RPS6KA5: variants seen among roughly 807,000 people sequenced by gnomAD.
RPS6KA5 encodes ribosomal protein S6 kinase alpha-5.
In RPS6KA5, 27 loss-of-function variants were observed where a neutral mutation model predicts 85.5. The ratio of observed to expected loss-of-function variants is 0.32; its 90% CI spans 0.23 to 0.44. The LOEUF (loss-of-function observed/expected upper bound fraction) is 0.44. Among genes scored for constraint, RPS6KA5 ranks in the 20% least tolerant of loss-of-function variants. The pLI, the probability that RPS6KA5 is intolerant of heterozygous loss-of-function variation, is 1.00. For synonymous variants in RPS6KA5, 334 were observed against 348.2 expected, an observed-to-expected ratio of 0.96 and a Z score of 0.46; for missense variants, 811 against 980.9, an observed-to-expected ratio of 0.83 and a Z score of 2.31.
chr14:90,999,557 G>A (rs2040690705), intron 2 of RPS6KA5, among the ~76,000 whole-genome samples: 1 of 152,184 alleles, frequency 6.6e-6, no homozygotes, highest in Non-Finnish European at 1.5e-5. Flanking sequence ...TTGACCTGAT[G>A]GGAGAAAAAT....
intron 1 of RPS6KA5, among the ~76,000 whole-genome samples, chr14:91,013,623 A>G (rs1274531316): frequency 6.6e-6 from 1 of 152,256 alleles, no homozygotes; most frequent in Non-Finnish European, 1.5e-5. Context: ...GAGCCAGCTC[A>G]CAAAAGAATC....
Position 90,899,431 on chromosome 14 carries a change from T to A in RPS6KA5, c.1380-9A>T, listed in dbSNP as rs932326468. ...GAGTATTGGCTTCCATCCTGCAAGA[T>A]GAGACACTTAGCATCCACATGTCTC... On this transcript the variant is annotated splice_polypyrimidine_tract_variant and intron_variant, in intron 11 of 16. Coordinates refer to ENST00000614987, the MANE Select transcript of RPS6KA5 (RefSeq NM_004755.4). 6.3e-6 allele frequency: 10 copies of A among 1,596,968 alleles called. No individual in the cohort carries two copies. Among genetic ancestry groups the A allele is most frequent in the African/African-American group, 4.0e-5 (3 of 74,506 alleles).
chr14:91,026,916 T>C (rs2042010528), intron 1 of RPS6KA5, among the ~76,000 whole-genome samples: 1 of 152,258 alleles, frequency 6.6e-6, no homozygotes, highest in Admixed American at 6.5e-5. Context: ...GCCACTTGCA[T>C]GTCTTCCTTT....
intron 7 of RPS6KA5, among the ~76,000 whole-genome samples, chr14:90,909,052 G>A (rs2035661759): frequency 1.3e-5 from 2 of 152,328 alleles, no homozygotes; most frequent in Non-Finnish European, 2.9e-5. Flanking sequence ...CTTATATAAA[G>A]CTAAATAAAA....
chr14:90,938,699 C>A (rs2037414010), intron 5 of RPS6KA5, among the ~76,000 whole-genome samples: 1 of 152,222 alleles, frequency 6.6e-6, no homozygotes, highest in Admixed American at 6.5e-5. Flanking sequence ...GAAGCAACAG[C>A]CTGAGCTGTA....
chr14:90,959,020 C>A (rs139867695), intron 3 of RPS6KA5, among the ~76,000 whole-genome samples: 4 of 151,982 alleles, frequency 2.6e-5, no homozygotes, highest in Admixed American at 6.6e-5. Context: ...GAAGTAACAT[C>A]CAGTACAAAG....
rs145146502 is a variant in RPS6KA5, at chr14:90,967,232, T to A, written c.394+11074A>T. ...AAGAAATGTCATGTAAATGATTATA[T>A]CTTAATTCCTTTGTATTTCTTAAAT... On this transcript the variant is annotated intron_variant, in intron 3 of 16. Coordinates refer to ENST00000614987, the MANE Select transcript of RPS6KA5 (RefSeq NM_004755.4). Among the ~76,000 whole-genome samples the A allele has an allele frequency of 4.6e-5, 7 of 152,320 alleles. No homozygotes were observed. The East Asian group carries it at 1.3e-3, about 29-fold the overall frequency.
intron 11 of RPS6KA5, among the ~76,000 whole-genome samples, chr14:90,899,705 T>C (rs770284029): frequency 9.2e-5 from 14 of 152,194 alleles, no homozygotes; most frequent in Non-Finnish European, 2.1e-4. Flanking sequence ...GCAATCTTAA[T>C]AATAATCATC....
chr14:90,851,049 T>TA lies in RPS6KA5; in HGVS notation c.*21024_*21025insT, dbSNP rs1022817435. On this transcript the variant is annotated 3_prime_UTR_variant, in exon 17 of 17. Transcript: ENST00000614987. The stretch of plus-strand genomic sequence containing the variant: ...GGGTAAAGATACTTTTATTTTATTT[T>TA]TTTTTTGAGACAGAGTCTCACTCTG... 2.0e-5 allele frequency: 3 copies of TA among 152,204 alleles called. No individual in the cohort carries two copies. Among genetic ancestry groups the TA allele is most frequent in the African/African-American group, 7.2e-5 (3 of 41,450 alleles). 9.4% of individuals were successfully genotyped at this position (152,204 alleles called of 1,614,324 possible). A position where few individuals can be genotyped will look rare whatever the true frequency, so the allele number is the denominator to read the frequency against.
At chr14:90,906,431 C>T in intron 7 of RPS6KA5, 132 bp from the exon 8 acceptor site, 1 of 598,832 alleles carries the variant, frequency 1.7e-6, no homozygotes, top group Non-Finnish European at 2.7e-6. Flanking sequence ...TCAATAATAC[C>T]TCAATACTGT....
chr14:90,926,859 T>C (rs1447443685), intron 5 of RPS6KA5, among the ~76,000 whole-genome samples: 1 of 152,010 alleles, frequency 6.6e-6, no homozygotes, highest in African/African-American at 2.4e-5. Context: ...AATTAATAAA[T>C]TGAACTTGAA....
rs764749326 is a variant in RPS6KA5, at chr14:90,947,602, G to C, written c.395-52C>G. 1.9e-5 allele frequency: 20 copies of C among 1,070,402 alleles called. No individual in the cohort carries two copies. In the African/African-American group the frequency reaches 2.8e-4, roughly 15 times the overall value. 66.3% of individuals were successfully genotyped at this position (1,070,402 alleles called of 1,614,324 possible). A position where few individuals can be genotyped will look rare whatever the true frequency, so the allele number is the denominator to read the frequency against. ...TTAAACATGCATTCATAAATGAAAA[G>C]CAGTGTTTCCTTTTAATCACTTTGG... On this transcript the variant is annotated intron_variant, in intron 3 of 16. Coordinates refer to ENST00000614987, the MANE Select transcript of RPS6KA5 (RefSeq NM_004755.4).
chr14:90,878,378 C>T (rs577504660), intron 14 of RPS6KA5, among the ~76,000 whole-genome samples: 1 of 152,286 alleles, frequency 6.6e-6, no homozygotes, highest in South Asian at 2.1e-4. Flanking sequence ...GATCCCCCCT[C>T]CCCTTCCTCG....
intron 3 of RPS6KA5, among the ~76,000 whole-genome samples, chr14:90,972,909 G>C (rs1009761339): frequency 6.6e-6 from 1 of 152,078 alleles, no homozygotes; most frequent in Admixed American, 6.6e-5. Flanking sequence ...GGTACAAATA[G>C]ATAATTCTCA....
At chr14:91,034,642 C>A (rs753213172) in intron 1 of RPS6KA5, among the ~76,000 whole-genome samples, 5 of 152,184 alleles carry the variant, frequency 3.3e-5, no homozygotes, top group Non-Finnish European at 7.3e-5. Flanking sequence ...AAGCCAGCCA[C>A]CCCAGCCAGC....
At chr14:90,895,229 G>A (rs559775265) in intron 12 of RPS6KA5, among the ~76,000 whole-genome samples, 1 of 152,240 alleles carries the variant, frequency 6.6e-6, no homozygotes, top group Admixed American at 6.5e-5. Context: ...TAATGAGGCT[G>A]GGCTCAGTGG....
intron 3 of RPS6KA5, among the ~76,000 whole-genome samples, chr14:90,960,415 C>T (rs1049784187): frequency 2.6e-5 from 4 of 151,968 alleles, no homozygotes; most frequent in African/African-American, 9.7e-5. Context: ...AGGAATGTGG[C>T]GGATTCTGGG....
intron 1 of RPS6KA5, among the ~76,000 whole-genome samples, chr14:91,044,600 G>A (rs550215631): frequency 3.1e-4 from 47 of 152,218 alleles, no homozygotes; most frequent in African/African-American, 1.1e-3. Flanking sequence ...CAGGCTGGGT[G>A]CGGTGGCTCA....
rs58737573 is a variant in RPS6KA5, at chr14:91,030,611, G to GAAAAAAAAAAAAAAAAAAAAA, written c.104-29473_104-29453dup. ...AACATGCAAGACACCAAAATAAACA[G>GAAAAAAAAAAAAAAAAAAAAA]AAAAAAAAAAAAAAAAAAAAAAAAA... On this transcript the variant is annotated intron_variant, in intron 1 of 16. Transcript: ENST00000614987. Among the ~76,000 whole-genome samples the GAAAAAAAAAAAAAAAAAAAAA allele has an allele frequency of 8.6e-4, 19 of 22,072 alleles. 1 individual carries two copies. Among genetic ancestry groups the GAAAAAAAAAAAAAAAAAAAAA allele is most frequent in the Admixed American group, 2.5e-3 (3 of 1,178 alleles). 14.5% of individuals were successfully genotyped at this position (22,072 alleles called of 152,430 possible).
Sources: allele counts gnomAD v4.1 joint callset (sites outside exome capture counted in the v4.1 genomes callset), GRCh38; gene constraint gnomAD v4.1.1; transcripts MANE v1.5; gene names NCBI Gene and HGNC (gene_info 2026-07-23, HGNC 2026-07-21).